The following JPH3 variants were observed in gnomAD, a reference collection of about 807,000 sequenced individuals.
The protein encoded by JPH3 is junctophilin-3.
A neutral mutation model predicts 59.6 loss-of-function variants in JPH3; 11 were observed. That is an observed-to-expected ratio of 0.18 (90% CI 0.12 to 0.31). The LOEUF is 0.31. JPH3 is among the 10% of genes least tolerant of loss of function. The probability of loss-of-function intolerance (pLI) is 1.00; values close to 1 mark genes in which losing one functional copy is unlikely to be tolerated. For synonymous variants in JPH3, 673 were observed against 483.6 expected (o/e 1.39, Z -5.14); for missense variants, 1,202 against 1,105.7 (o/e 1.09, Z -1.24).
chr16:87,683,097 G>T (rs2033334612), intron 2 of JPH3, among the ~76,000 whole-genome samples: 1 of 152,214 alleles, frequency 6.6e-6, no homozygotes, highest in Admixed American at 6.5e-5. Context: ...CTGGGTGAGG[G>T]AACTGCCCAG....
At chr16:87,624,652 A>G (rs1171979999) in intron 1 of JPH3, among the ~76,000 whole-genome samples, 1 of 152,170 alleles carries the variant, frequency 6.6e-6, no homozygotes, top group Admixed American at 6.5e-5. Context: ...CCTGGGGGCT[A>G]TCCTGAGTCG....
intron 2 of JPH3, among the ~76,000 whole-genome samples, chr16:87,662,729 C>T (rs113844133): frequency 0.04 from 6,098 of 152,304 alleles, 401 homozygotes; most frequent in African/African-American, 0.14. Flanking sequence ...TTTCCTCTGG[C>T]TCATCTTGAA....
chr16:87,695,646 C>A (rs762561251), intron 4 of JPH3: 11 of 456,082 alleles, frequency 2.4e-5, no homozygotes, highest in South Asian at 1.4e-4. Flanking sequence ...GCGTCCATTC[C>A]CTGTGCAGCA....
chr16:87,696,124 C>G (rs990582776), intron 4 of JPH3: 4 of 458,216 alleles, frequency 8.7e-6, no homozygotes, highest in Non-Finnish European at 1.7e-5. Context: ...GTTCCAGGGC[C>G]TCTCTGCTGG....
At chr16:87,656,493 C>A (rs140609710) in intron 2 of JPH3, among the ~76,000 whole-genome samples, 1 of 152,196 alleles carries the variant, frequency 6.6e-6, no homozygotes, top group Non-Finnish European at 1.5e-5. Flanking sequence ...GATCAGATTA[C>A]GGAGTTCATA....
intron 2 of JPH3, among the ~76,000 whole-genome samples, chr16:87,676,906 G>A (rs547624795): frequency 1.1e-4 from 17 of 151,598 alleles, no homozygotes; most frequent in South Asian, 6.2e-4. Flanking sequence ...GCGCGGTGGC[G>A]CACGCCTGTA....
chr16:87,630,111 G>C (rs536090835), intron 1 of JPH3, among the ~76,000 whole-genome samples: 1 of 152,154 alleles, frequency 6.6e-6, no homozygotes, highest in African/African-American at 2.4e-5. Flanking sequence ...TCAGTTGACT[G>C]TCTGAGTCTT....
intron 1 of JPH3, among the ~76,000 whole-genome samples, chr16:87,619,220 G>A (rs930243370): frequency 1.3e-5 from 2 of 151,908 alleles, no homozygotes; most frequent in African/African-American, 4.8e-5. Flanking sequence ...GGCTGAAGCA[G>A]GAGTATCACT....
chr16:87,649,313 T>C (rs1156814123), intron 2 of JPH3, among the ~76,000 whole-genome samples: 3 of 152,210 alleles, frequency 2.0e-5, no homozygotes, highest in African/African-American at 7.2e-5. Context: ...CGGCCCCTCC[T>C]GCCTTCACAC....
chr16:87,696,011 C>T lies in JPH3; in HGVS notation c.2167-569C>T, dbSNP rs982308245. The T allele has an allele frequency of 2.0e-5, 9 of 455,986 alleles. No homozygotes were observed. In the East Asian group the frequency reaches 2.1e-4, roughly 11 times the overall value. 28.2% of individuals were successfully genotyped at this position (455,986 alleles called of 1,614,324 possible). A position where few individuals can be genotyped will look rare whatever the true frequency, so the allele number is the denominator to read the frequency against. On this transcript the variant is annotated intron_variant, in intron 4 of 4. Coordinates refer to ENST00000284262, the MANE Select transcript of JPH3 (RefSeq NM_020655.4). ...ATCCAAGGCAGCTCGCAATTGGACACAGTCCTCCAGAGCCAGTTGGCGTGA... is the reference window on the plus strand; with the variant it reads ...ATCCAAGGCAGCTCGCAATTGGACATAGTCCTCCAGAGCCAGTTGGCGTGA...
rs144601410 is a variant in JPH3 at position 87,644,814 on chromosome 16, C to T, written c.939C>T (p.Gly313=). The change falls in exon 2 of 5, where the codon GGC becomes GGT. Residue 313 remains glycine, a synonymous_variant. Transcript: ENST00000284262. Reference sequence around the variant, plus strand: ...GCTCGGACGGGCTCAAGTACGAGGGCGAGTGGGCCAGCAACCGGCGCCATG... The same window carrying T: ...GCTCGGACGGGCTCAAGTACGAGGGTGAGTGGGCCAGCAACCGGCGCCATG... The part of the protein sequence containing the change: ...SQRSDGLKYE[G]EWASNRRHGY... 676 of 1,613,432 alleles carry T rather than the reference C, an allele frequency of 4.2e-4. 7 individuals carry two copies. The East Asian group carries it at 0.012, about 28-fold the overall frequency.
chr16:87,657,384 C>T (rs974441358), intron 2 of JPH3, among the ~76,000 whole-genome samples: 3 of 151,982 alleles, frequency 2.0e-5, no homozygotes, highest in Admixed American at 2.0e-4. Context: ...ACTGGGTTAC[C>T]AGGGGCTGGG....
At chr16:87,639,272 T>G (rs2031859862) in intron 1 of JPH3, among the ~76,000 whole-genome samples, 1 of 151,940 alleles carries the variant, frequency 6.6e-6, no homozygotes. Context: ...TTCCCAAGGT[T>G]GTAGATTGAG....
At position 87,611,322 on chromosome 16, in the gene JPH3, C is replaced by T. The variant is rs760857865; in HGVS notation, c.382+7794C>T. On this transcript the variant is annotated intron_variant, in intron 1 of 4. Transcript: ENST00000284262. The surrounding 1 kb of genome is among the most constrained non-coding windows in gnomAD (Gnocchi z 4.5). Reference sequence around the variant, plus strand: ...GCAGGTGTGTGTGTCCCTGAAGGAGCGGCAGAGGCTTCTGGGGGTAGGCAG... The same window carrying T: ...GCAGGTGTGTGTGTCCCTGAAGGAGTGGCAGAGGCTTCTGGGGGTAGGCAG... Among the ~76,000 whole-genome samples, 12 of 152,062 alleles carry T rather than the reference C, an allele frequency of 7.9e-5. No homozygotes were observed. The highest frequency in any genetic ancestry group is 2.1e-4 in the South Asian group (1 of 4,826).
At chr16:87,642,397 C>T (rs936373021) in intron 1 of JPH3, among the ~76,000 whole-genome samples, 1 of 152,160 alleles carries the variant, frequency 6.6e-6, no homozygotes, top group South Asian at 2.1e-4. Context: ...AAAGAGAGGT[C>T]GGGGTGGCCA....
In JPH3 at chr16:87,603,439, G is replaced by A. The variant is rs1489127705; in HGVS notation, c.293G>A (p.Arg98Gln). The change falls in exon 1 of 5, where the codon CGG (arginine) becomes CAG (glutamine). Residue 98 changes from arginine (R) to glutamine (Q), a missense_variant. Physicochemically the swap from Arg to Gln is conservative, Grantham distance 43 (BLOSUM62 1). Coordinates refer to ENST00000284262, the MANE Select transcript of JPH3 (RefSeq NM_020655.4). ...THGFKGRYGV[R>Q]ECAGNGAKYE... ...GGATTCAAGGGGCGCTACGGGGTGCGGGAGTGCGCGGGCAACGGGGCCAAA... is the reference window on the plus strand; with the variant it reads ...GGATTCAAGGGGCGCTACGGGGTGCAGGAGTGCGCGGGCAACGGGGCCAAA... 6.4e-7 allele frequency: 1 copy of A among 1,569,790 alleles called. No homozygotes were observed. The highest frequency in any genetic ancestry group is 8.6e-7 in the Non-Finnish European group (1 of 1,158,158).
rs74039509 is a variant in JPH3 at position 87,611,077 on chromosome 16, G to A, written c.382+7549G>A. Reference sequence around the variant, plus strand: ...TATTTGCTGAGCATTGAGTATGTACGCAGTACAGAGTTTGTGGTAACGTGG... The same window carrying A: ...TATTTGCTGAGCATTGAGTATGTACACAGTACAGAGTTTGTGGTAACGTGG... On this transcript the variant is annotated intron_variant, in intron 1 of 4. Transcript: ENST00000284262. This position sits in a 1 kb window ranked among gnomAD's most constrained non-coding sequence, Gnocchi z 4.5. Among the ~76,000 whole-genome samples, 3 of 152,200 alleles carry A rather than the reference G, an allele frequency of 2.0e-5. No individual in the cohort carries two copies. Among genetic ancestry groups the A allele is most frequent in the Non-Finnish European group, 2.9e-5 (2 of 68,036 alleles).
At chr16:87,682,170 G>A (rs1038460797) in intron 2 of JPH3, among the ~76,000 whole-genome samples, 4 of 152,180 alleles carry the variant, frequency 2.6e-5, no homozygotes, top group Non-Finnish European at 5.9e-5. Flanking sequence ...TCCTGGACAC[G>A]TGTTCTTGGC....
At chr16:87,623,976 G>A (rs2031281133) in intron 1 of JPH3, among the ~76,000 whole-genome samples, 1 of 152,252 alleles carries the variant, frequency 6.6e-6, no homozygotes, top group African/African-American at 2.4e-5. Context: ...TTGCCCAGAA[G>A]TCTAGGTGTG....
Sources: gnomAD v4.1 joint callset for allele counts (sites outside exome capture counted in the v4.1 genomes callset) on GRCh38, gnomAD v4.1.1 for gene constraint, Gnocchi (gnomAD v3.1) non-coding constraint, MANE v1.5 for transcripts, NCBI Gene and HGNC (gene_info 2026-07-23, HGNC 2026-07-21) for gene names.